SLC24A3: variants seen among roughly 807,000 people sequenced by gnomAD.
SLC24A3 encodes sodium/potassium/calcium exchanger 3.
A neutral mutation model predicts 75.8 loss-of-function variants in SLC24A3; 28 were observed. The observed-to-expected ratio is 0.37, with a 90% CI of 0.27 to 0.51. SLC24A3 has a LOEUF of 0.51. SLC24A3 is among the 20% of genes least tolerant of loss of function. The probability of loss-of-function intolerance (pLI) is 0.94; values close to 1 mark genes in which losing one functional copy is unlikely to be tolerated. For synonymous variants in SLC24A3, 372 were observed against 334.1 expected, an observed-to-expected ratio of 1.11 and a Z score of -1.24; for missense variants, 663 against 847.8, an observed-to-expected ratio of 0.78 and a Z score of 2.71.
chr20:19,690,764 A>ATTG (rs1485952510), intron 12 of SLC24A3, among the ~76,000 whole-genome samples: 1 of 152,208 alleles, frequency 6.6e-6, no homozygotes, highest in African/African-American at 2.4e-5. Context: ...CTTGATTTAC[A>ATTG]AAGCAAGCAC....
chr20:19,406,098 A>C (rs1384235894), intron 2 of SLC24A3, among the ~76,000 whole-genome samples: 2 of 152,182 alleles, frequency 1.3e-5, no homozygotes, highest in Non-Finnish European at 2.9e-5. Context: ...ATGCAGTCTA[A>C]GAGGCTTAAC....
rs1025040619 is a variant in SLC24A3 at position 19,714,424 on chromosome 20, A to C, written c.1720-3104A>C. 3.9e-4 allele frequency among the ~76,000 whole-genome samples: 53 copies of C among 135,970 alleles called. 1 individual carries two copies. Among genetic ancestry groups the C allele is most frequent in the African/African-American group, 7.9e-4 (28 of 35,316 alleles). The allele number at this position is 135,970 out of a possible 152,430, so 89.2% of individuals were successfully genotyped here. Reference sequence around the variant, plus strand: ...AGTCTCTAAAAAAAAAAAAAAAAAAAAACAACAAAAAGAGGCAATGGCAAT... The same window carrying C: ...AGTCTCTAAAAAAAAAAAAAAAAAACAACAACAAAAAGAGGCAATGGCAAT... On this transcript the variant is annotated intron_variant, in intron 15 of 16. Coordinates refer to ENST00000328041, the MANE Select transcript of SLC24A3 (RefSeq NM_020689.4).
chr20:19,424,756 A>AC (rs1986975515), intron 2 of SLC24A3, among the ~76,000 whole-genome samples: 1 of 112,398 alleles, frequency 8.9e-6, no homozygotes, highest in Non-Finnish European at 1.9e-5. Flanking sequence ...AAAAAAAAAA[A>AC]AAAAAAAAAA....
At chr20:19,580,097 A>G (rs1424102447) in intron 4 of SLC24A3, 23 bp downstream of exon 4, 1 of 1,603,412 alleles carries the variant, frequency 6.2e-7, no homozygotes, top group Middle Eastern at 1.7e-4. Context: ...CATTCTTGGT[A>G]TGTGTGAGCC....
chr20:19,603,616 T>G (rs2031558081), intron 6 of SLC24A3, among the ~76,000 whole-genome samples: 1 of 152,216 alleles, frequency 6.6e-6, no homozygotes. Flanking sequence ...CAGGAAGTCT[T>G]TTCTCCATCA....
At chr20:19,417,818 A>C (rs1466328120) in intron 2 of SLC24A3, among the ~76,000 whole-genome samples, 2 of 152,176 alleles carry the variant, frequency 1.3e-5, no homozygotes, top group Non-Finnish European at 2.9e-5. Flanking sequence ...GAGGCATCAC[A>C]TTACAATAGT....
At chr20:19,361,927 G>C (rs1457468030) in intron 2 of SLC24A3, among the ~76,000 whole-genome samples, 1 of 152,048 alleles carries the variant, frequency 6.6e-6, no homozygotes, top group African/African-American at 2.4e-5. Flanking sequence ...AGCCTTTGGG[G>C]GTTGCTCTAC....
rs531775691 is a variant in SLC24A3, at chr20:19,604,794, C to T, written c.612+19250C>T. 2.8e-4 allele frequency among the ~76,000 whole-genome samples: 42 copies of T among 152,302 alleles called. No homozygotes were observed. In the South Asian group the frequency reaches 8.1e-3, roughly 29 times the overall value. On this transcript the variant is annotated intron_variant, in intron 6 of 16. Transcript: ENST00000328041. ...TCCTCCATTACCCTCTGCCTACCCT[C>T]CTCTCTCAGGAGCTCTGCATCCCCA...
intron 15 of SLC24A3, among the ~76,000 whole-genome samples, chr20:19,713,886 A>G (rs545000794): frequency 3.0e-4 from 45 of 152,346 alleles, no homozygotes; most frequent in African/African-American, 1.1e-3. Context: ...CAGCAAGTGA[A>G]TGACCAAGAA....
intron 3 of SLC24A3, among the ~76,000 whole-genome samples, chr20:19,551,602 G>A (rs930909665): frequency 6.6e-6 from 1 of 151,430 alleles, no homozygotes; most frequent in Non-Finnish European, 1.5e-5. Flanking sequence ...TTTTCCTCAT[G>A]TGCGGTTTCC....
intron 2 of SLC24A3, among the ~76,000 whole-genome samples, chr20:19,451,814 T>C (rs1460937581): frequency 6.6e-6 from 1 of 152,226 alleles, no homozygotes; most frequent in Non-Finnish European, 1.5e-5. Flanking sequence ...AGTCATGTCA[T>C]GCGCTGGCAC....
In SLC24A3 at chr20:19,722,012, C is replaced by A. The variant is rs759339213; in HGVS notation, c.*872C>A. ...AGCAATAGTTCTAGCCTGCCTTGGA[C>A]AAGGGGGCCCCAGTTAAACAAACTA... On this transcript the variant is annotated 3_prime_UTR_variant, in exon 17 of 17. Transcript: ENST00000328041. The A allele has an allele frequency of 2.6e-5, 4 of 152,610 alleles. No individual in the cohort carries two copies. The highest frequency in any genetic ancestry group is 9.7e-5 in the African/African-American group (4 of 41,440). The allele number at this position is 152,610 out of a possible 1,614,324, so 9.5% of individuals were successfully genotyped here. A position where few individuals can be genotyped will look rare whatever the true frequency, so the allele number is the denominator to read the frequency against.
Position 19,693,308 on chromosome 20 carries a change from C to T in SLC24A3, c.1374C>T (p.Phe458=). ...GGGCGTTCACCTGGCCGCTGAGTTTCGTCTTATACTTCACTGTACCCAACT... is the reference window on the plus strand; with the variant it reads ...GGGCGTTCACCTGGCCGCTGAGTTTTGTCTTATACTTCACTGTACCCAACT... ...VKWAFTWPLS[F]VLYFTVPNCN... is the part of the protein sequence containing the mutation. Residue 458 remains phenylalanine, a synonymous_variant, in exon 13 of 17, where the codon TTC becomes TTT. Transcript: ENST00000328041. The T allele has an allele frequency of 6.2e-7, 1 of 1,613,668 alleles. No homozygotes were observed. Among genetic ancestry groups the T allele is most frequent in the Non-Finnish European group, 8.5e-7 (1 of 1,179,888 alleles).
In SLC24A3 at chr20:19,334,154, G is replaced by A. The variant is rs115374252; in HGVS notation, c.271+53067G>A. Among the ~76,000 whole-genome samples the A allele has an allele frequency of 5.6e-3, 846 of 152,232 alleles. 9 individuals carry two copies. The highest frequency in any genetic ancestry group is 0.02 in the African/African-American group (817 of 41,532). On this transcript the variant is annotated intron_variant, in intron 2 of 16. Transcript: ENST00000328041. ...AAATGGGTGGTCGTTGTCTCCGTGAGTATGGTCCGTTTATCCTAATGACTT... is the reference window on the plus strand; with the variant it reads ...AAATGGGTGGTCGTTGTCTCCGTGAATATGGTCCGTTTATCCTAATGACTT...
At chr20:19,698,917 G>A (rs2032841851) in intron 15 of SLC24A3, among the ~76,000 whole-genome samples, 1 of 152,174 alleles carries the variant, frequency 6.6e-6, no homozygotes, top group Non-Finnish European at 1.5e-5. Context: ...AAATATTTTA[G>A]GCTTTGTGGG....
intron 2 of SLC24A3, among the ~76,000 whole-genome samples, chr20:19,362,542 G>T (rs1177523954): frequency 6.6e-6 from 1 of 152,190 alleles, no homozygotes; most frequent in African/African-American, 2.4e-5. Context: ...TGGTGTTCTC[G>T]GCTTCAGTTA....
chr20:19,593,393 T>C (rs1373154817), intron 6 of SLC24A3, among the ~76,000 whole-genome samples: 2 of 152,162 alleles, frequency 1.3e-5, no homozygotes, highest in Non-Finnish European at 2.9e-5. Context: ...GAAGGTTAAG[T>C]ATAGTGAGGA....
chr20:19,377,620 G>A (rs762822331), intron 2 of SLC24A3, among the ~76,000 whole-genome samples: 2 of 152,188 alleles, frequency 1.3e-5, no homozygotes, highest in Admixed American at 6.5e-5. Context: ...TTGAATGCAC[G>A]CTTAAAATCT....
chr20:19,258,834 G>C (rs1243550533), intron 1 of SLC24A3, among the ~76,000 whole-genome samples: 1 of 152,130 alleles, frequency 6.6e-6, no homozygotes, highest in Non-Finnish European at 1.5e-5. Flanking sequence ...GTGCAGGGTC[G>C]ATCAAGCACA....
Sources: gnomAD v4.1 joint callset for allele counts (sites outside exome capture counted in the v4.1 genomes callset) on GRCh38, gnomAD v4.1.1 for gene constraint, MANE v1.5 for transcripts, NCBI Gene and HGNC (gene_info 2026-07-23, HGNC 2026-07-21) for gene names.